Variants in SV2A observed in about 807,000 individuals in gnomAD.
The protein encoded by SV2A is solute carrier family 22 member B1.
A neutral mutation model predicts 78.0 loss-of-function variants in SV2A; 25 were observed. That is an observed-to-expected ratio of 0.32 (90% CI 0.23 to 0.45). The LOEUF (loss-of-function observed/expected upper bound fraction) is 0.45. Among genes scored for constraint, SV2A ranks in the 20% least tolerant of loss-of-function variants. The probability of loss-of-function intolerance (pLI) is 1.00; values close to 1 mark genes in which losing one functional copy is unlikely to be tolerated. For missense variants in SV2A, 752 were observed against 971.5 expected, an observed-to-expected ratio of 0.77 and a Z score of 3.00; for synonymous variants, 355 against 384.7, an observed-to-expected ratio of 0.92 and a Z score of 0.90.
intron 2 of SV2A, 116 bp downstream of exon 2, chr1:149,913,103 G>C: frequency 7.4e-7 from 1 of 1,343,994 alleles, no homozygotes. Context: ...GAGCCCTCTG[G>C]GAACATCTTG....
At position 149,906,776 on chromosome 1, in the gene SV2A, C is replaced by G. The variant is rs782449428; in HGVS notation, c.1759G>C (p.Val587Leu). Residue 587 changes from valine (V) to leucine (L), a missense_variant, in exon 11 of 13, where the codon GTG becomes CTG. By Grantham distance (32) the Val-to-Leu change is conservative. Coordinates refer to ENST00000369146, the MANE Select transcript of SV2A (RefSeq NM_014849.5). ...TAGGCACCTTCGCCCGTCCCTGTCACGTCTAGCGGGCAGCCCTCCTTGTTG... is the reference window on the plus strand; with the variant it reads ...TAGGCACCTTCGCCCGTCCCTGTCAGGTCTAGCGGGCAGCCCTCCTTGTTG... ...LHNKEGCPLDVTGTGEGAYMV... is the reference protein window; with the variant it reads ...LHNKEGCPLDLTGTGEGAYMV... 1.2e-6 allele frequency: 2 copies of G among 1,614,226 alleles called. No individual in the cohort carries two copies. The highest frequency in any genetic ancestry group is 3.3e-5 in the Admixed American group (2 of 60,032).
chr1:149,915,913 G>GCACA (rs150600749), intron 1 of SV2A, among the ~76,000 whole-genome samples: 4 of 137,410 alleles, frequency 2.9e-5, no homozygotes, highest in Non-Finnish European at 4.5e-5. Flanking sequence ...ACACACACAC[G>GCACA]CACACACACA....
intron 11 of SV2A, 21 bp downstream of exon 11, chr1:149,906,629 G>T: frequency 6.2e-7 from 1 of 1,613,594 alleles, no homozygotes; most frequent in South Asian, 1.1e-5. Context: ...TATCAGATCT[G>T]ACTCAGCCTC....
rs781910016 is a variant in SV2A at position 149,909,845 on chromosome 1, C to A, written c.1135G>T (p.Asp379Tyr). The change falls in exon 6 of 13, where the codon GAT (aspartate) becomes TAT (tyrosine). Residue 379 changes from aspartate to tyrosine, a missense_variant. By Grantham distance (160) the Asp-to-Tyr change is radical (BLOSUM62 -3). Around this residue, in one of 7 missense-constraint regions of SV2A, gnomAD observed 136 missense variants for 132.3 expected, o/e 1.03. Transcript: ENST00000369146. ...EAWMVLKQVH[D>Y]TNMRAKGHPE... Reference sequence around the variant, plus strand: ...TGTCCTTTGGCTCGCATGTTGGTATCATGGACCTGCTTCAGCACCATCCAG... The same window carrying A: ...TGTCCTTTGGCTCGCATGTTGGTATAATGGACCTGCTTCAGCACCATCCAG... 1 of 1,614,104 alleles carries A rather than the reference C, an allele frequency of 6.2e-7. No homozygotes were observed. The highest frequency in any genetic ancestry group is 8.5e-7 in the Non-Finnish European group (1 of 1,180,024).
chr1:149,906,876 T>A lies in SV2A; in HGVS notation c.1679-20A>T, dbSNP rs782617981. ...ACAGGTCTGTGGGCAAAGGCCAAGA[T>A]AAGCAGGCAGTCATAGCAGATGGGA... On this transcript the variant is annotated intron_variant, in intron 10 of 12. Coordinates refer to ENST00000369146, the MANE Select transcript of SV2A (RefSeq NM_014849.5). 2.5e-6 allele frequency: 4 copies of A among 1,613,706 alleles called. No individual in the cohort carries two copies. The Admixed American group carries it at 5.0e-5, about 20-fold the overall frequency.
At chr1:149,908,015 A>G (rs782588232) in intron 9 of SV2A, 27 bp downstream of exon 9, 14 of 1,609,650 alleles carry the variant, frequency 8.7e-6, no homozygotes, top group Non-Finnish European at 9.3e-6. Context: ...AACAGGGAAG[A>G]AGTGAAGTTT....
Position 149,913,908 on chromosome 1 carries a change from G to T in SV2A, c.-68C>A, listed in dbSNP as rs2092495121. On this transcript the variant is annotated 5_prime_UTR_variant, in exon 2 of 13. Transcript: ENST00000369146. Reference sequence around the variant, plus strand: ...CTTCTTTTTCAGCTTTTTGCTCAAGGACTTGTAGAGTCAAAAAGACCCCTC... The same window carrying T: ...CTTCTTTTTCAGCTTTTTGCTCAAGTACTTGTAGAGTCAAAAAGACCCCTC... The T allele has an allele frequency of 1.3e-6, 2 of 1,524,564 alleles. No individual in the cohort carries two copies. Among genetic ancestry groups the T allele is most frequent in the East Asian group, 4.5e-5 (2 of 44,140 alleles). The allele number at this position is 1,524,564 out of a possible 1,614,324, so 94.4% of individuals were successfully genotyped here. A position where few individuals can be genotyped will look rare whatever the true frequency, so the allele number is the denominator to read the frequency against.
chr1:149,909,188 T>G lies in SV2A; in HGVS notation c.1379+4A>C. ...CACATCACCCAGCCCACCCATCTCC[T>G]CACCTGAATGACATGGTGAACCACA... On this transcript the variant is annotated splice_donor_region_variant and intron_variant, in intron 8 of 12. Transcript: ENST00000369146. The G allele has an allele frequency of 6.2e-7, 1 of 1,613,522 alleles. No individual in the cohort carries two copies. Among genetic ancestry groups the G allele is most frequent in the South Asian group, 1.1e-5 (1 of 91,062 alleles).
chr1:149,910,503 GC>G lies in SV2A; in HGVS notation c.1089+66del. ...CTCCAGTTGGTGTTTGAACACAGAA[GC>G]CCCTGCTGCCGTCCACACTCCACAG... On this transcript the variant is annotated intron_variant, in intron 5 of 12. Coordinates refer to ENST00000369146, the MANE Select transcript of SV2A (RefSeq NM_014849.5). This position sits in a 1 kb window ranked among gnomAD's most constrained non-coding sequence, Gnocchi z 4.2. 6.8e-7 allele frequency: 1 copy of G among 1,479,180 alleles called. No individual in the cohort carries two copies. 91.6% of individuals were successfully genotyped at this position (1,479,180 alleles called of 1,614,324 possible).
intron 2 of SV2A, 110 bp from the exon 3 acceptor site, chr1:149,912,090 A>G: frequency 2.7e-6 from 3 of 1,109,758 alleles, no homozygotes; most frequent in Non-Finnish European, 3.8e-6. Context: ...CTAGAAGGTA[A>G]GTCTACCCAG....
At chr1:149,915,900 C>CAA (rs1387703133) in intron 1 of SV2A, among the ~76,000 whole-genome samples, 7 of 151,882 alleles carry the variant, frequency 4.6e-5, no homozygotes, top group African/African-American at 1.7e-4. Flanking sequence ...AACACACACA[C>CAA]ACACACACAC....
Position 149,910,420 on chromosome 1 carries a change from G to A in SV2A, c.1089+150C>T, listed in dbSNP as rs1571503319. On this transcript the variant is annotated intron_variant, in intron 5 of 12. Coordinates refer to ENST00000369146, the MANE Select transcript of SV2A (RefSeq NM_014849.5). This position sits in a 1 kb window ranked among gnomAD's most constrained non-coding sequence, Gnocchi z 4.2. ...TCCAAGGCAAAGAATGCAAGATAAA[G>A]TCCCCTGGAGAGTGGACTCTGTGAG... is the stretch of plus-strand genomic sequence containing the variant. The A allele has an allele frequency of 1.7e-6, 2 of 1,177,974 alleles. No homozygotes were observed. The highest frequency in any genetic ancestry group is 1.1e-6 in the Non-Finnish European group (1 of 869,618). 73.0% of individuals were successfully genotyped at this position (1,177,974 alleles called of 1,614,324 possible).
chr1:149,905,352 A>G (rs920862403), intron 12 of SV2A, 155 bp from the exon 13 acceptor site: 13 of 620,094 alleles, frequency 2.1e-5, no homozygotes, highest in Admixed American at 3.3e-5. Context: ...GATGTACACC[A>G]GGAATGTAAA....
At chr1:149,911,208 T>C (rs895662194) in intron 3 of SV2A, among the ~76,000 whole-genome samples, 5 of 152,068 alleles carry the variant, frequency 3.3e-5, no homozygotes, top group African/African-American at 1.2e-4. Context: ...ATCTTAAATC[T>C]TGAAAATGAA....
intron 2 of SV2A, among the ~76,000 whole-genome samples, 172 bp from the exon 3 acceptor site, chr1:149,912,152 A>T (rs912250878): frequency 1.3e-5 from 2 of 152,226 alleles, no homozygotes; most frequent in African/African-American, 4.8e-5. Flanking sequence ...ATAGAAGATC[A>T]TCTCTGCAGG....
In SV2A at chr1:149,911,754, C is replaced by A. The variant is rs1277124728; in HGVS notation, c.803+46G>T. On this transcript the variant is annotated intron_variant, in intron 3 of 12. Coordinates refer to ENST00000369146, the MANE Select transcript of SV2A (RefSeq NM_014849.5). ...TGGGCCCTAAAGATACAACAGTGAC[C>A]AAGGCACAGTCCTGCCCTCAAGGGA... 1.9e-6 allele frequency: 3 copies of A among 1,584,224 alleles called. No homozygotes were observed. The African/African-American group carries it at 4.0e-5, about 21-fold the overall frequency.
intron 3 of SV2A, among the ~76,000 whole-genome samples, chr1:149,911,275 A>G (rs1275220015): frequency 6.6e-6 from 1 of 152,212 alleles, no homozygotes; most frequent in Non-Finnish European, 1.5e-5. Flanking sequence ...ATCTCCAGAG[A>G]AAAAAGACAA....
intron 1 of SV2A, among the ~76,000 whole-genome samples, chr1:149,917,254 C>T (rs1553764676): frequency 6.6e-6 from 1 of 151,914 alleles, no homozygotes. Context: ...CTCCCCTTCC[C>T]TCCATCCTTC....
chr1:149,913,607 A>G lies in SV2A; in HGVS notation c.234T>C (p.Gly78=). ...GEGTQDEEEG[G]ASSDATEGHD... Reference sequence around the variant, plus strand: ...GGCCCTCAGTAGCATCACTGGATGCACCACCTTCCTCCTCATCCTGGGTCC... The same window carrying G: ...GGCCCTCAGTAGCATCACTGGATGCGCCACCTTCCTCCTCATCCTGGGTCC... The change falls in exon 2 of 13, where the codon GGT becomes GGC. Residue 78 remains glycine, a synonymous_variant. Transcript: ENST00000369146. 1.9e-6 allele frequency: 3 copies of G among 1,614,086 alleles called. No individual in the cohort carries two copies. The highest frequency in any genetic ancestry group is 2.5e-6 in the Non-Finnish European group (3 of 1,180,030).
Sources: allele counts gnomAD v4.1 joint callset (sites outside exome capture counted in the v4.1 genomes callset), GRCh38; gene constraint gnomAD v4.1.1; regional missense constraint gnomAD v4.1.1; non-coding constraint Gnocchi (gnomAD v3.1); transcripts MANE v1.5; gene names NCBI Gene and HGNC (gene_info 2026-07-23, HGNC 2026-07-21).